The following DGKB variants were observed in gnomAD, a reference collection of about 807,000 sequenced individuals.
DGKB encodes the protein diacylglycerol kinase beta.
DGKB carries 67 observed loss-of-function variants against 114.3 expected under a neutral mutation model. That is an observed-to-expected ratio of 0.59 (90% confidence interval 0.48 to 0.72). The LOEUF (loss-of-function observed/expected upper bound fraction) is 0.72, where lower values mean the gene tolerates loss of function less well. Ranked by LOEUF, DGKB falls within the 30% of genes least tolerant of loss-of-function variation. The pLI is 0.00. For missense variants in DGKB, 907 were observed against 975.2 expected (o/e 0.93, Z 0.93); for synonymous variants, 398 against 323.1 (o/e 1.23, Z -2.49).
At position 14,725,865 on chromosome 7, in the gene DGKB, C is replaced by T. The variant is rs184003978; in HGVS notation, c.323-7180G>A. 3.8e-3 allele frequency among the ~76,000 whole-genome samples: 578 copies of T among 152,130 alleles called. 1 individual carries two copies. Among genetic ancestry groups the T allele is most frequent in the Non-Finnish European group, 5.3e-3 (360 of 68,002 alleles). ...GCGCAACCAATATGTTGAAATTGAACTTTATGCTATGTATGCACACCAAAA... is the reference window on the plus strand; with the variant it reads ...GCGCAACCAATATGTTGAAATTGAATTTTATGCTATGTATGCACACCAAAA... On this transcript the variant is annotated intron_variant, in intron 5 of 25. Coordinates refer to ENST00000402815, the MANE Select transcript of DGKB (RefSeq NM_001350709.2).
intron 4 of DGKB, among the ~76,000 whole-genome samples, chr7:14,736,842 T>G (rs1038969939): frequency 6.6e-6 from 1 of 152,188 alleles, no homozygotes; most frequent in Non-Finnish European, 1.5e-5. Flanking sequence ...GTGGTGGTGT[T>G]AAGGTTCTCC....
intron 1 of DGKB, among the ~76,000 whole-genome samples, chr7:14,950,998 A>T (rs1354199973): frequency 1.3e-5 from 2 of 152,014 alleles, no homozygotes; most frequent in East Asian, 3.9e-4. Context: ...AAAGCATATA[A>T]TCATGTCAAT....
At chr7:14,405,443 T>A (rs1823788227) in intron 21 of DGKB, among the ~76,000 whole-genome samples, 1 of 152,062 alleles carries the variant, frequency 6.6e-6, no homozygotes, top group Non-Finnish European at 1.5e-5. Flanking sequence ...TGGATAATAA[T>A]AGCCATTATG....
At chr7:14,969,572 G>C (rs1787343354) in intron 1 of DGKB, among the ~76,000 whole-genome samples, 1 of 152,054 alleles carries the variant, frequency 6.6e-6, no homozygotes, top group Non-Finnish European at 1.5e-5. Context: ...ATCAGCAGCA[G>C]CATTAGATTC....
chr7:14,530,222 A>T (rs1030253995), intron 20 of DGKB, among the ~76,000 whole-genome samples: 2 of 151,602 alleles, frequency 1.3e-5, no homozygotes, highest in African/African-American at 4.8e-5. Flanking sequence ...TACAGTCCTA[A>T]TTTTTTTAAA....
At chr7:14,902,061 T>G (rs1206902704) in intron 1 of DGKB, among the ~76,000 whole-genome samples, 1 of 152,146 alleles carries the variant, frequency 6.6e-6, no homozygotes, top group Non-Finnish European at 1.5e-5. Context: ...ATCATCAGTG[T>G]GGCCTAGGCT....
At chr7:14,840,840 C>T (rs1393554078) in intron 2 of DGKB, among the ~76,000 whole-genome samples, 3 of 151,976 alleles carry the variant, frequency 2.0e-5, no homozygotes, top group African/African-American at 4.8e-5. Context: ...TTCCTTCTCA[C>T]TCTCTGCGCC....
intron 2 of DGKB, among the ~76,000 whole-genome samples, chr7:14,825,289 G>A (rs115851846): frequency 3.5e-3 from 525 of 151,528 alleles, no homozygotes; most frequent in African/African-American, 0.011. Context: ...AAATGGTTTC[G>A]GAATAATTCA....
intron 21 of DGKB, among the ~76,000 whole-genome samples, chr7:14,432,296 T>G (rs2128792331): frequency 6.6e-6 from 1 of 152,280 alleles, no homozygotes; most frequent in African/African-American, 2.4e-5. Flanking sequence ...TTGAGCAATT[T>G]GCAAAACAGG....
intron 1 of DGKB, among the ~76,000 whole-genome samples, chr7:14,845,693 A>T (rs1586876724): frequency 1.3e-5 from 2 of 152,252 alleles, no homozygotes; most frequent in Admixed American, 1.3e-4. Flanking sequence ...GAAAAGGTTG[A>T]GTGGAAGAAT....
intron 21 of DGKB, among the ~76,000 whole-genome samples, chr7:14,451,063 G>T (rs528058857): frequency 1.3e-5 from 2 of 152,150 alleles, no homozygotes; most frequent in East Asian, 3.9e-4. Flanking sequence ...TTCAGCAGAA[G>T]TAGAGACCAT....
intron 23 of DGKB, among the ~76,000 whole-genome samples, chr7:14,220,750 T>C (rs1159739026): frequency 6.6e-6 from 1 of 151,514 alleles, no homozygotes; most frequent in Non-Finnish European, 1.5e-5. Context: ...TCCCAATCCA[T>C]GAACACAAGA....
At chr7:14,467,468 T>C (rs557013768) in intron 21 of DGKB, among the ~76,000 whole-genome samples, 2 of 151,692 alleles carry the variant, frequency 1.3e-5, no homozygotes, top group South Asian at 4.1e-4. Context: ...TATGTACGCA[T>C]ATTATATATA....
chr7:14,830,938 T>C (rs1846329894), intron 2 of DGKB, among the ~76,000 whole-genome samples: 1 of 151,666 alleles, frequency 6.6e-6, no homozygotes, highest in African/African-American at 2.4e-5. Context: ...CATGTGTGCA[T>C]GTATGTGTGT....
At chr7:14,210,458 T>G (rs1166825124) in intron 23 of DGKB, among the ~76,000 whole-genome samples, 2 of 152,140 alleles carry the variant, frequency 1.3e-5, no homozygotes, top group African/African-American at 4.8e-5. Context: ...CATTTAACTT[T>G]TCATTTTAAA....
intron 2 of DGKB, among the ~76,000 whole-genome samples, chr7:14,815,002 T>C (rs547677727): frequency 3.3e-5 from 5 of 152,230 alleles, no homozygotes; most frequent in Admixed American, 6.5e-5. Context: ...TTCTAATAGT[T>C]AATCCTTTTC....
intron 2 of DGKB, among the ~76,000 whole-genome samples, chr7:14,786,224 T>C (rs1172308056): frequency 1.3e-5 from 2 of 152,168 alleles, no homozygotes; most frequent in East Asian, 3.9e-4. Flanking sequence ...CGAACTTGGA[T>C]ATCTACAAAT....
At chr7:14,365,074 C>T (rs1387148197) in intron 21 of DGKB, among the ~76,000 whole-genome samples, 2 of 151,658 alleles carry the variant, frequency 1.3e-5, no homozygotes, top group Non-Finnish European at 2.9e-5. Flanking sequence ...TTTACGTCCT[C>T]CTAGATAGTC....
At chr7:14,225,462 C>T (rs1456305761) in intron 23 of DGKB, among the ~76,000 whole-genome samples, 3 of 152,012 alleles carry the variant, frequency 2.0e-5, no homozygotes, top group African/African-American at 4.8e-5. Flanking sequence ...TTTCTTAAAG[C>T]GGTTTTTATC....
Sources: gnomAD v4.1 joint callset for allele counts (sites outside exome capture counted in the v4.1 genomes callset) on GRCh38, gnomAD v4.1.1 for gene constraint, MANE v1.5 for transcripts, NCBI Gene and HGNC (gene_info 2026-07-23, HGNC 2026-07-21) for gene names.